GALNT17: variants seen among roughly 807,000 people sequenced by gnomAD.
GALNT17 encodes the protein UDP-GalNAc:polypeptide N-acetylgalactosaminyltransferase-like 3.
In GALNT17, 29 loss-of-function variants were observed where a neutral mutation model predicts 63.7. The observed-to-expected ratio is 0.46, with a 90% CI of 0.34 to 0.62. GALNT17 has a LOEUF of 0.62. Among genes scored for constraint, GALNT17 ranks in the 20% least tolerant of loss-of-function variants. The pLI, the probability that GALNT17 is intolerant of heterozygous loss-of-function variation, is 0.01. For synonymous variants in GALNT17, 305 were observed against 318.3 expected, an observed-to-expected ratio of 0.96 and a Z score of 0.45; for missense variants, 603 against 799.6, an observed-to-expected ratio of 0.75 and a Z score of 2.97.
At chr7:71,285,345 G>A (rs1213952003) in intron 1 of GALNT17, among the ~76,000 whole-genome samples, 1 of 152,098 alleles carries the variant, frequency 6.6e-6, no homozygotes, top group Non-Finnish European at 1.5e-5. Flanking sequence ...TCTAAGAGTT[G>A]TAATTGAGAA....
chr7:71,685,931 T>C (rs1791349050), intron 9 of GALNT17, among the ~76,000 whole-genome samples: 1 of 100,222 alleles, frequency 1.0e-5, no homozygotes, highest in Admixed American at 1.0e-4. Flanking sequence ...TTTTTTTTTC[T>C]TTTCAAGGCA....
intron 3 of GALNT17, among the ~76,000 whole-genome samples, chr7:71,405,276 G>A (rs930194179): frequency 6.6e-6 from 1 of 152,136 alleles, no homozygotes; most frequent in Non-Finnish European, 1.5e-5. Flanking sequence ...CTTACAAATG[G>A]TGTGACCTAG....
intron 1 of GALNT17, among the ~76,000 whole-genome samples, chr7:71,169,859 G>A (rs1788512692): frequency 6.6e-6 from 1 of 151,988 alleles, no homozygotes; most frequent in Non-Finnish European, 1.5e-5. Context: ...CCCAGCCTTG[G>A]TGTACTTTTA....
chr7:71,364,270 G>C (rs146320409), intron 2 of GALNT17, among the ~76,000 whole-genome samples: 1 of 152,280 alleles, frequency 6.6e-6, no homozygotes, highest in East Asian at 1.9e-4. Flanking sequence ...CCTCAGTACA[G>C]ATTTGGTGTT....
chr7:71,674,352 A>ATTTT lies in GALNT17; in HGVS notation c.1405-2859_1405-2858insTTTT, dbSNP rs1562731289. ...TTTTTAAATAGCTCTTCCTTTTTAA[A>ATTTT]AAAAAAAAAAAGAGATAGGGTCTTG... On this transcript the variant is annotated intron_variant, in intron 8 of 10. Coordinates refer to ENST00000333538, the MANE Select transcript of GALNT17 (RefSeq NM_022479.3). Among the ~76,000 whole-genome samples, 306 of 145,162 alleles carry ATTTT rather than the reference A, an allele frequency of 2.1e-3. 3 individuals are homozygous for ATTTT. The East Asian group carries it at 0.043, about 20-fold the overall frequency.
chr7:71,300,004 C>T (rs1188451769), intron 1 of GALNT17, among the ~76,000 whole-genome samples: 1 of 152,104 alleles, frequency 6.6e-6, no homozygotes, highest in Non-Finnish European at 1.5e-5. Flanking sequence ...TCTCGAAATC[C>T]TGACCTCAGG....
At chr7:71,447,645 T>G (rs1787183618) in intron 5 of GALNT17, among the ~76,000 whole-genome samples, 1 of 152,218 alleles carries the variant, frequency 6.6e-6, no homozygotes, top group African/African-American at 2.4e-5. Flanking sequence ...CACTTATTAA[T>G]ACTTATATTA....
At chr7:71,551,708 T>G (rs1479412941) in intron 5 of GALNT17, among the ~76,000 whole-genome samples, 1 of 150,090 alleles carries the variant, frequency 6.7e-6, no homozygotes, top group Non-Finnish European at 1.5e-5. Context: ...CATTGAGCTA[T>G]GATCACACCA....
intron 1 of GALNT17, among the ~76,000 whole-genome samples, chr7:71,231,739 G>GGAGGGAGAGGGAGAGAGAGAGAGAGAGA (rs1789792522): frequency 6.7e-6 from 1 of 148,808 alleles, no homozygotes; most frequent in African/African-American, 2.5e-5. Context: ...AGAGAGAGAG[G>GGAGGGAGAGGGAGAGAGAGAGAGAGAGA]GAGGGAGAGG....
chr7:71,280,425 T>C (rs550139430), intron 1 of GALNT17, among the ~76,000 whole-genome samples: 61 of 152,226 alleles, frequency 4.0e-4, no homozygotes, highest in African/African-American at 1.4e-3. Flanking sequence ...ACCTCTACTT[T>C]CCACCTTCAC....
At chr7:71,508,072 A>G (rs1388019431) in intron 5 of GALNT17, among the ~76,000 whole-genome samples, 1 of 152,138 alleles carries the variant, frequency 6.6e-6, no homozygotes. Flanking sequence ...TCCTTGCCGT[A>G]ATGAGATGGA....
At chr7:71,436,960 G>A (rs1394701096) in intron 5 of GALNT17, among the ~76,000 whole-genome samples, 4 of 152,144 alleles carry the variant, frequency 2.6e-5, no homozygotes, top group African/African-American at 9.7e-5. Flanking sequence ...GTCCAGCTGA[G>A]CATCTGGGCT....
chr7:71,341,762 GA>G, intron 2 of GALNT17, among the ~76,000 whole-genome samples: 4 of 152,296 alleles, frequency 2.6e-5, no homozygotes, highest in Admixed American at 2.6e-4. Flanking sequence ...TACCTCCTCT[GA>G]ATTTGTTTTG....
chr7:71,568,650 C>T (rs1295302364), intron 5 of GALNT17, among the ~76,000 whole-genome samples: 1 of 152,114 alleles, frequency 6.6e-6, no homozygotes, highest in East Asian at 1.9e-4. Context: ...ATCTAGAGTA[C>T]ATCCAGCCAT....
Position 71,426,302 on chromosome 7 carries a change from G to T in GALNT17, c.962+5197G>T, listed in dbSNP as rs1174027956. On this transcript the variant is annotated intron_variant, in intron 5 of 10. Coordinates refer to ENST00000333538, the MANE Select transcript of GALNT17 (RefSeq NM_022479.3). The stretch of plus-strand genomic sequence containing the variant: ...GAGATTCCCCTCATGTTGTATTATT[G>T]TGTGTCCACAGCCCTCTCTGCTGAG... 3.3e-5 allele frequency among the ~76,000 whole-genome samples: 5 copies of T among 152,152 alleles called. 1 individual carries two copies. Among genetic ancestry groups the T allele is most frequent in the Non-Finnish European group, 7.3e-5 (5 of 68,044 alleles).
intron 1 of GALNT17, among the ~76,000 whole-genome samples, chr7:71,315,837 C>G (rs368789437): frequency 6.6e-6 from 1 of 152,188 alleles, no homozygotes; most frequent in African/African-American, 2.4e-5. Flanking sequence ...ATCAAGGGCA[C>G]TTTCTCAGAG....
chr7:71,302,242 A>G (rs1791214124), intron 1 of GALNT17, among the ~76,000 whole-genome samples: 1 of 152,222 alleles, frequency 6.6e-6, no homozygotes, highest in Non-Finnish European at 1.5e-5. Flanking sequence ...TAGCTAATGC[A>G]TGCGGGGCTG....
chr7:71,660,714 T>C (rs1175326313), intron 6 of GALNT17, among the ~76,000 whole-genome samples: 2 of 152,214 alleles, frequency 1.3e-5, no homozygotes, highest in African/African-American at 2.4e-5. Context: ...TACCCCTCCA[T>C]AGGGGACTTA....
At chr7:71,226,298 C>A (rs1016515007) in intron 1 of GALNT17, among the ~76,000 whole-genome samples, 3 of 152,158 alleles carry the variant, frequency 2.0e-5, no homozygotes, top group African/African-American at 7.2e-5. Flanking sequence ...CTCCTACCAT[C>A]TGCCCTTGGC....
Sources: allele counts gnomAD v4.1 joint callset (sites outside exome capture counted in the v4.1 genomes callset), GRCh38; gene constraint gnomAD v4.1.1; transcripts MANE v1.5; gene names NCBI Gene and HGNC (gene_info 2026-07-23, HGNC 2026-07-21).